Variants in MUC5B observed in about 807,000 individuals in gnomAD.
MUC5B encodes mucin 5B, oligomeric mucus/gel-forming.
A neutral mutation model predicts 376.9 loss-of-function variants in MUC5B; 116 were observed. The observed-to-expected ratio is 0.31, with a 90% CI of 0.26 to 0.36. The LOEUF is 0.36. Among genes scored for constraint, MUC5B ranks in the 10% least tolerant of loss-of-function variants. The pLI is 1.00. For missense variants in MUC5B, 7,165 were observed against 7,769.9 expected (o/e 0.92, Z 2.93); for synonymous variants, 3,517 against 3,390.9 (o/e 1.04, Z -1.29).
In MUC5B at chr11:1,248,606, T is replaced by A; in HGVS notation, c.11726T>A (p.Val3909Asp). 6.2e-7 allele frequency: 1 copy of A among 1,608,906 alleles called. No homozygotes were observed. The change falls in exon 31 of 49, where the codon GTC (valine) becomes GAC (aspartate). Residue 3909 changes from valine to aspartate, a missense_variant. Physicochemically the swap from Val to Asp is radical, Grantham distance 152. Around this residue, in one of 31 missense-constraint regions of MUC5B, gnomAD observed 242 missense variants for 199.0 expected, o/e 1.22. Coordinates refer to ENST00000529681, the MANE Select transcript of MUC5B (RefSeq NM_002458.3). ...GGCTCCACGGTGACCCCCTCCTCCG[T>A]CCCGGGGACCACCCACACCCCCACA... is the stretch of plus-strand genomic sequence containing the variant. ...TSGSTVTPSS[V>D]PGTTHTPTVL...
At position 1,261,512 on chromosome 11, in the gene MUC5B, C is replaced by G. The variant is rs772113675; in HGVS notation, c.17193C>G (p.His5731Gln). Residue 5731 changes from histidine (H) to glutamine (Q), a missense_variant, in exon 49 of 49, where the codon CAC becomes CAG. Around this residue, in one of 31 missense-constraint regions of MUC5B, gnomAD observed 842 missense variants for 1,016.9 expected, o/e 0.83. Coordinates refer to ENST00000529681, the MANE Select transcript of MUC5B (RefSeq NM_002458.3). ...CAGCCATCCTGCACACCTACACCCACGTGGATGAGTGTGGCTGCACGCCCT... is the reference window on the plus strand; with the variant it reads ...CAGCCATCCTGCACACCTACACCCAGGTGGATGAGTGTGGCTGCACGCCCT... ...NGSAILHTYT[H>Q]VDECGCTPFC... The G allele has an allele frequency of 1.1e-5, 17 of 1,604,992 alleles. No individual in the cohort carries two copies. The Middle Eastern group carries it at 5.0e-4, about 47-fold the overall frequency.
Position 1,250,448 on chromosome 11 carries a change from C to T in MUC5B, c.13568C>T (p.Thr4523Ile). 1 of 1,594,644 alleles carries T rather than the reference C, an allele frequency of 6.3e-7. No homozygotes were observed. Among genetic ancestry groups the T allele is most frequent in the Admixed American group, 1.7e-5 (1 of 59,880 alleles). ...TATTPTATSF[T>I]AIPSSSLGTT... ...ACCACACCCACAGCTACCAGCTTTACAGCCATCCCCTCCTCCTCCCTGGGC... is the reference window on the plus strand; with the variant it reads ...ACCACACCCACAGCTACCAGCTTTATAGCCATCCCCTCCTCCTCCCTGGGC... The change falls in exon 31 of 49, where the codon ACA becomes ATA. Residue 4523 changes from threonine to isoleucine, a missense_variant. Coordinates refer to ENST00000529681, the MANE Select transcript of MUC5B (RefSeq NM_002458.3).
intron 13 of MUC5B, 41 bp from the exon 14 acceptor site, chr11:1,231,382 C>A: frequency 1.3e-6 from 2 of 1,579,808 alleles, no homozygotes; most frequent in Non-Finnish European, 1.7e-6. Context: ...CCAGATCTGT[C>A]CCTGCACCCC....
rs780642214 is a variant in MUC5B, at chr11:1,231,454, C to T, written c.1572C>T (p.Phe524=). The T allele has an allele frequency of 6.2e-7, 1 of 1,612,208 alleles. No homozygotes were observed. The highest frequency in any genetic ancestry group is 8.5e-7 in the Non-Finnish European group (1 of 1,179,600). The change falls in exon 14 of 49, where the codon TTC becomes TTT. Residue 524 remains phenylalanine (F), a synonymous_variant. Coordinates refer to ENST00000529681, the MANE Select transcript of MUC5B (RefSeq NM_002458.3). ...TCACCCTGTTCACACCCTCGAGCTT[C>T]TTCATCGTGGTGCAGACAGGCCTGG... The part of the protein sequence containing the change: ...ANITLFTPSS[F]FIVVQTGLGL...
In MUC5B at chr11:1,245,337, C is replaced by T. The variant is rs757071194; in HGVS notation, c.8457C>T (p.Thr2819=). Residue 2819 remains threonine (T), a synonymous_variant, in exon 31 of 49, where the codon ACC becomes ACT. Coordinates refer to ENST00000529681, the MANE Select transcript of MUC5B (RefSeq NM_002458.3). ...GCCCTCACCCTAGCAGCAGGACCAC[C>T]GAGTCACCCCCTTCTCCAGGGACGA... is the stretch of plus-strand genomic sequence containing the variant. ...LSSPHPSSRT[T]ESPPSPGTTT... 3.7e-5 allele frequency: 59 copies of T among 1,594,944 alleles called. 2 individuals carry two copies. Among genetic ancestry groups the T allele is most frequent in the South Asian group, 1.9e-4 (17 of 89,962 alleles).
In MUC5B at chr11:1,261,807, C is replaced by A; in HGVS notation, c.*199C>A. The A allele has an allele frequency of 1.4e-6, 1 of 705,972 alleles. No homozygotes were observed. The highest frequency in any genetic ancestry group is 2.6e-6 in the Non-Finnish European group (1 of 390,270). 43.7% of individuals were successfully genotyped at this position (705,972 alleles called of 1,614,324 possible). ...GCCAGCAGGACCCCTTTCGGGAGGG[C>A]GCCACTCAGGAGTCCTACCCTGGGA... On this transcript the variant is annotated 3_prime_UTR_variant, in exon 49 of 49. Transcript: ENST00000529681.
intron 1 of MUC5B, among the ~76,000 whole-genome samples, chr11:1,225,086 C>T (rs530814126): frequency 1.3e-5 from 2 of 152,322 alleles, no homozygotes; most frequent in South Asian, 4.1e-4. Context: ...GGCGGCCATC[C>T]CAGTATCAAC....
At position 1,251,069 on chromosome 11, in the gene MUC5B, G is replaced by A. The variant is rs1366268841; in HGVS notation, c.14189G>A (p.Arg4730Lys). ...SSKATSSSSP[R>K]TATTLPVLTS... ...AAAGCCACTTCCTCCTCCAGTCCAAGGACTGCAACCACCCTTCCAGTGCTG... is the reference window on the plus strand; with the variant it reads ...AAAGCCACTTCCTCCTCCAGTCCAAAGACTGCAACCACCCTTCCAGTGCTG... The change falls in exon 31 of 49, where the codon AGG (arginine) becomes AAG (lysine). Residue 4730 changes from arginine (R) to lysine (K), a missense_variant. By Grantham distance (26) the Arg-to-Lys change is conservative (BLOSUM62 2). Coordinates refer to ENST00000529681, the MANE Select transcript of MUC5B (RefSeq NM_002458.3). 58 of 1,611,202 alleles carry A rather than the reference G, an allele frequency of 3.6e-5. No homozygotes were observed. Among genetic ancestry groups the A allele is most frequent in the Non-Finnish European group, 4.7e-5 (55 of 1,178,190 alleles).
Position 1,243,598 on chromosome 11 carries a change from G to A in MUC5B, c.6718G>A (p.Ala2240Thr), listed in dbSNP as rs1173381255. 4 of 1,609,214 alleles carry A rather than the reference G, an allele frequency of 2.5e-6. No individual in the cohort carries two copies. The highest frequency in any genetic ancestry group is 4.5e-5 in the East Asian group (2 of 44,710). The change falls in exon 31 of 49, where the codon GCA becomes ACA. Residue 2240 changes from alanine (A) to threonine (T), a missense_variant. Ala to Thr is a moderately conservative substitution (Grantham distance 58). Transcript: ENST00000529681. ...PSTVTSHTLA[A>T]TTGTTQHSTP... is the part of the protein sequence containing the mutation. ...CACGGTGACTTCCCACACCCTAGCA[G>A]CAACCACCGGTACCACCCAGCACTC...
In MUC5B at chr11:1,239,371, G is replaced by A. The variant is rs554355988; in HGVS notation, c.3455-67G>A. 2.4e-5 allele frequency: 37 copies of A among 1,542,392 alleles called. No homozygotes were observed. In the East Asian group the frequency reaches 8.2e-4, roughly 34 times the overall value. The stretch of plus-strand genomic sequence containing the variant: ...CACCGGCCCCCACGCCCGGGGTAGG[G>A]GCTGCCCTGCACAACAGGGGTGAGG... On this transcript the variant is annotated intron_variant, in intron 26 of 48. Transcript: ENST00000529681.
intron 32 of MUC5B, 107 bp downstream of exon 32, chr11:1,252,631 G>A (rs1376228912): frequency 6.0e-5 from 82 of 1,377,112 alleles, no homozygotes; most frequent in East Asian, 1.0e-4. Flanking sequence ...TGACCCCGCC[G>A]CCAGTATCTC....
chr11:1,259,426 A>C, intron 44 of MUC5B: 1 of 490,276 alleles, frequency 2.0e-6, no homozygotes, highest in East Asian at 3.6e-5. Context: ...TAGCTCAGCC[A>C]TTGCTGGGGT....
At position 1,245,268 on chromosome 11, in the gene MUC5B, A is replaced by G; in HGVS notation, c.8388A>G (p.Ala2796=). The G allele has an allele frequency of 6.3e-7, 1 of 1,593,230 alleles. No individual in the cohort carries two copies. The stretch of plus-strand genomic sequence containing the variant: ...CCACGGGGACTTCCCACACCCCAGC[A>G]GCAACCACCGGTACCACCCAGCACT... ...EPSTGTSHTP[A]ATTGTTQHST... The change falls in exon 31 of 49, where the codon GCA becomes GCG. Residue 2796 remains alanine (A), a synonymous_variant. Transcript: ENST00000529681.
chr11:1,238,486 G>A (rs1353960156), intron 25 of MUC5B, among the ~76,000 whole-genome samples: 2 of 152,194 alleles, frequency 1.3e-5, no homozygotes, highest in Non-Finnish European at 1.5e-5. Context: ...CAGAGGGTAA[G>A]CAGGGGTGCT....
In MUC5B at chr11:1,229,302, C is replaced by A; in HGVS notation, c.1102+7C>A. 1.3e-6 allele frequency: 2 copies of A among 1,562,546 alleles called. No homozygotes were observed. The highest frequency in any genetic ancestry group is 1.7e-6 in the Non-Finnish European group (2 of 1,158,672). On this transcript the variant is annotated splice_region_variant and intron_variant, in intron 9 of 48. Coordinates refer to ENST00000529681, the MANE Select transcript of MUC5B (RefSeq NM_002458.3). The stretch of plus-strand genomic sequence containing the variant: ...GGCTGCTTCTGCCCCCCAGGCAGGT[C>A]TTGTGTGCCCTGAACCCCTCAGGGG...
intron 2 of MUC5B, 81 bp downstream of exon 2, chr11:1,225,818 C>G: frequency 4.4e-6 from 6 of 1,349,848 alleles, no homozygotes; most frequent in Non-Finnish European, 6.2e-6. Context: ...GCAGACGCCT[C>G]TCCAAGCAGC....
At chr11:1,226,947 G>T in intron 4 of MUC5B, 71 bp downstream of exon 4, 2 of 997,534 alleles carry the variant, frequency 2.0e-6, no homozygotes, top group South Asian at 1.3e-5. Context: ...GGCCATGTCT[G>T]ACCTGGGCCA....
In MUC5B at chr11:1,245,996, C is replaced by T; in HGVS notation, c.9116C>T (p.Ala3039Val). 3 of 1,612,972 alleles carry T rather than the reference C, an allele frequency of 1.9e-6. No homozygotes were observed. The highest frequency in any genetic ancestry group is 2.5e-6 in the Non-Finnish European group (3 of 1,179,610). ...ATTPTATSSK[A>V]TSSSSPRTAT... ...ACACCCACAGCCACCAGTTCCAAAG[C>T]CACTTCCTCCTCCAGTCCAAGGACT... The change falls in exon 31 of 49, where the codon GCC becomes GTC. Residue 3039 changes from alanine (A) to valine (V), a missense_variant. Physicochemically the swap from Ala to Val is moderately conservative, Grantham distance 64. Coordinates refer to ENST00000529681, the MANE Select transcript of MUC5B (RefSeq NM_002458.3).
intron 18 of MUC5B, 24 bp downstream of exon 18, chr11:1,233,292 G>GC: frequency 6.6e-7 from 1 of 1,507,320 alleles, no homozygotes; most frequent in Non-Finnish European, 8.9e-7. Flanking sequence ...GGGAAAGCAG[G>GC]CCCCCCAGGT....
Sources: gnomAD v4.1 joint callset for allele counts (sites outside exome capture counted in the v4.1 genomes callset) on GRCh38, gnomAD v4.1.1 for gene constraint, gnomAD v4.1.1 regional missense constraint, MANE v1.5 for transcripts, NCBI Gene and HGNC (gene_info 2026-07-23, HGNC 2026-07-21) for gene names.